TBL1XR1: variants seen among roughly 807,000 people sequenced by gnomAD.
The protein encoded by TBL1XR1 is F-box-like/WD repeat-containing protein TBL1XR1.
In TBL1XR1, 5 loss-of-function variants were observed where a neutral mutation model predicts 66.9. That is an observed-to-expected ratio of 0.07 (90% confidence interval 0.04 to 0.16). TBL1XR1 has a LOEUF of 0.16. TBL1XR1 is among the 10% of genes least tolerant of loss of function. TBL1XR1 has a pLI of 1.00. For synonymous variants in TBL1XR1, 210 were observed against 206.0 expected (o/e 1.02, Z -0.17); for missense variants, 238 against 623.2 (o/e 0.38, Z 6.58).
intron 1 of TBL1XR1, among the ~76,000 whole-genome samples, chr3:177,150,478 A>G (rs1167573052): frequency 1.3e-5 from 2 of 152,242 alleles, no homozygotes; most frequent in East Asian, 3.8e-4. Flanking sequence ...ACTAAAACTG[A>G]AAACTGACCA....
At chr3:177,095,241 G>A (rs1231099707) in intron 2 of TBL1XR1, among the ~76,000 whole-genome samples, 1 of 151,950 alleles carries the variant, frequency 6.6e-6, no homozygotes, top group African/African-American at 2.4e-5. Context: ...CTCGCAGGCG[G>A]GTAGGAGAGG....
intron 2 of TBL1XR1, among the ~76,000 whole-genome samples, chr3:177,076,258 C>T (rs1030538782): frequency 6.6e-6 from 1 of 152,172 alleles, no homozygotes; most frequent in Non-Finnish European, 1.5e-5. Flanking sequence ...CAATGGAGAT[C>T]AGGTTTCAAC....
intron 2 of TBL1XR1, among the ~76,000 whole-genome samples, chr3:177,067,384 A>C (rs1260703603): frequency 6.6e-6 from 1 of 152,190 alleles, no homozygotes. Flanking sequence ...TCAGTCCAAA[A>C]CTTGGATGAA....
intron 1 of TBL1XR1, among the ~76,000 whole-genome samples, chr3:177,170,894 C>G (rs865812959): frequency 2.6e-5 from 4 of 152,196 alleles, no homozygotes; most frequent in African/African-American, 9.6e-5. Flanking sequence ...CATGAGCCAC[C>G]GTGCCAATGA....
chr3:177,103,758 A>G (rs1441862947), intron 1 of TBL1XR1, among the ~76,000 whole-genome samples: 1 of 152,212 alleles, frequency 6.6e-6, no homozygotes, highest in African/African-American at 2.4e-5. Flanking sequence ...GTGGTCAGTA[A>G]CAAGTTCAAG....
intron 2 of TBL1XR1, among the ~76,000 whole-genome samples, chr3:177,072,243 T>TA: frequency 6.6e-6 from 1 of 152,230 alleles, no homozygotes; most frequent in Non-Finnish European, 1.5e-5. Flanking sequence ...TTTAGCATAG[T>TA]AATTGGGATC....
At chr3:177,190,835 T>C (rs551402592) in intron 1 of TBL1XR1, among the ~76,000 whole-genome samples, 4 of 152,216 alleles carry the variant, frequency 2.6e-5, no homozygotes, top group Admixed American at 2.6e-4. Context: ...ATGAAAATGG[T>C]ATTAAGAACT....
intron 1 of TBL1XR1, among the ~76,000 whole-genome samples, chr3:177,177,077 A>G (rs149351242): frequency 1.4e-3 from 220 of 152,294 alleles, no homozygotes; most frequent in African/African-American, 5.1e-3. Flanking sequence ...AGCTGACTCA[A>G]TGCTCTTCCC....
intron 1 of TBL1XR1, among the ~76,000 whole-genome samples, chr3:177,190,597 C>T (rs1384344136): frequency 1.3e-5 from 2 of 152,276 alleles, no homozygotes; most frequent in East Asian, 1.9e-4. Context: ...AGATTACAGG[C>T]GTGGGCCACC....
intron 2 of TBL1XR1, among the ~76,000 whole-genome samples, chr3:177,086,190 CTAA>C (rs562117662): frequency 2.9e-4 from 44 of 150,930 alleles, no homozygotes; most frequent in African/African-American, 9.3e-4. Context: ...AGAATTTATT[CTAA>C]TAATAATATT....
intron 1 of TBL1XR1, among the ~76,000 whole-genome samples, chr3:177,104,260 C>A (rs950162961): frequency 6.6e-6 from 1 of 152,034 alleles, no homozygotes; most frequent in Non-Finnish European, 1.5e-5. Context: ...ATTGAAAGCA[C>A]AATTAAGAAA....
intron 14 of TBL1XR1, among the ~76,000 whole-genome samples, chr3:177,031,383 G>A (rs1713981867): frequency 1.3e-5 from 2 of 150,310 alleles, no homozygotes; most frequent in African/African-American, 4.9e-5. Context: ...TGCCCGGGCT[G>A]GAGTGCCGTG....
At chr3:177,078,088 T>C (rs1278775187) in intron 2 of TBL1XR1, among the ~76,000 whole-genome samples, 2 of 152,226 alleles carry the variant, frequency 1.3e-5, no homozygotes, top group Non-Finnish European at 2.9e-5. Flanking sequence ...TGTCACCTTT[T>C]AATATGCATA....
intron 1 of TBL1XR1, among the ~76,000 whole-genome samples, chr3:177,108,378 TG>T (rs1164112249): frequency 1.3e-5 from 2 of 152,006 alleles, no homozygotes; most frequent in East Asian, 3.9e-4. Flanking sequence ...TAAAAGACAG[TG>T]GGGGTAAGAA....
intron 1 of TBL1XR1, among the ~76,000 whole-genome samples, chr3:177,187,244 A>C (rs962577028): frequency 3.3e-5 from 5 of 151,766 alleles, no homozygotes; most frequent in Admixed American, 6.6e-5. Flanking sequence ...AAATACAAAA[A>C]TTAGCCATGT....
chr3:177,132,409 AC>A (rs1376283638), intron 1 of TBL1XR1, among the ~76,000 whole-genome samples: 3 of 152,172 alleles, frequency 2.0e-5, no homozygotes, highest in African/African-American at 7.2e-5. Flanking sequence ...GTGATGTGCA[AC>A]CTAACTTGAA....
intron 10 of TBL1XR1, 68 bp downstream of exon 10, chr3:177,046,061 G>A (rs1716287450): frequency 6.1e-6 from 7 of 1,156,288 alleles, no homozygotes; most frequent in African/African-American, 1.6e-5. Context: ...TAAATTATAT[G>A]CTGTTAAAAG....
At position 177,146,589 on chromosome 3, in the gene TBL1XR1, CAA is replaced by C. The variant is rs78065426; in HGVS notation, c.-121-48050_-121-48049del. 1.3e-4 allele frequency among the ~76,000 whole-genome samples: 7 copies of C among 51,960 alleles called. 1 individual carries two copies. The highest frequency in any genetic ancestry group is 1.6e-3 in the East Asian group (2 of 1,284). The allele number at this position is 51,960 out of a possible 152,430, so 34.1% of individuals were successfully genotyped here. On this transcript the variant is annotated intron_variant, in intron 1 of 15. Coordinates refer to ENST00000457928, the MANE Select transcript of TBL1XR1 (RefSeq NM_024665.7). ...TGGGCAGCTGAGCGAGACTCCATCT[CAA>C]AAAAAAAAAAAAAAAAGTTGTATTC... is the stretch of plus-strand genomic sequence containing the variant.
intron 2 of TBL1XR1, among the ~76,000 whole-genome samples, chr3:177,081,350 A>G (rs914475228): frequency 1.3e-5 from 2 of 152,246 alleles, no homozygotes; most frequent in African/African-American, 4.8e-5. Context: ...ACATGGATAT[A>G]CAGATAACTC....
Sources: gnomAD v4.1 joint callset for allele counts (sites outside exome capture counted in the v4.1 genomes callset) on GRCh38, gnomAD v4.1.1 for gene constraint, MANE v1.5 for transcripts, NCBI Gene and HGNC (gene_info 2026-07-23, HGNC 2026-07-21) for gene names.